Variants in CYFIP2 observed in about 807,000 individuals in gnomAD.
CYFIP2 encodes the protein cytoplasmic FMR1-interacting protein 2.
In CYFIP2, 29 loss-of-function variants were observed where a neutral mutation model predicts 158.7. That is an observed-to-expected ratio of 0.18 (90% CI 0.14 to 0.25). The LOEUF (loss-of-function observed/expected upper bound fraction) is 0.25. Among genes scored for constraint, CYFIP2 ranks in the 10% least tolerant of loss-of-function variants. The pLI is 1.00. For missense variants in CYFIP2, 852 were observed against 1,639.5 expected, an observed-to-expected ratio of 0.52 and a Z score of 8.29; for synonymous variants, 585 against 617.6, an observed-to-expected ratio of 0.95 and a Z score of 0.78.
rs746974334 is a variant in CYFIP2 at position 157,333,365 on chromosome 5, C to A, written c.2304C>A (p.Thr768=). The change falls in exon 21 of 31, where the codon ACC becomes ACA. Residue 768 remains threonine, a synonymous_variant. Transcript: ENST00000620254. ...CAATTGACTTGAACAGACTCATTAC[C>A]CAGCGCATCTCTGCCGCCATGTATA... The part of the protein sequence containing the change: ...GRSIDLNRLI[T]QRISAAMYKS... The A allele has an allele frequency of 6.8e-6, 11 of 1,613,930 alleles. No individual in the cohort carries two copies. Among genetic ancestry groups the A allele is most frequent in the Admixed American group, 1.7e-5 (1 of 60,014 alleles).
intron 23 of CYFIP2, among the ~76,000 whole-genome samples, chr5:157,349,983 T>A (rs1762961616): frequency 6.6e-6 from 1 of 152,142 alleles, no homozygotes; most frequent in South Asian, 2.1e-4. Flanking sequence ...TTGTTTGTTT[T>A]TCTTACTGAT....
chr5:157,273,667 C>T (rs1005704968), intron 1 of CYFIP2, among the ~76,000 whole-genome samples: 1 of 152,070 alleles, frequency 6.6e-6, no homozygotes, highest in Non-Finnish European at 1.5e-5. Flanking sequence ...CTTGTAGGGG[C>T]ATCATTTACA....
intron 26 of CYFIP2, among the ~76,000 whole-genome samples, chr5:157,369,898 T>TAA: frequency 6.7e-6 from 1 of 149,562 alleles, no homozygotes; most frequent in Admixed American, 6.7e-5. Context: ...TTTTTTTTTT[T>TAA]AAAGACAGAG....
At chr5:157,372,806 A>T (rs1042061506) in intron 26 of CYFIP2, among the ~76,000 whole-genome samples, 1 of 152,216 alleles carries the variant, frequency 6.6e-6, no homozygotes, top group African/African-American at 2.4e-5. Context: ...GGCCAGTGAG[A>T]GACCCTTAGA....
chr5:157,307,962 G>GT (rs1378031133), intron 9 of CYFIP2, 97 bp downstream of exon 9: 4 of 704,472 alleles, frequency 5.7e-6, no homozygotes, highest in South Asian at 1.7e-5. Flanking sequence ...AAACTGTCAG[G>GT]TTTTTTTAAT....
intron 4 of CYFIP2, chr5:157,296,403 G>A: frequency 2.3e-6 from 1 of 429,656 alleles, no homozygotes; most frequent in Non-Finnish European, 4.6e-6. Context: ...AGACTAGCCT[G>A]GGCAACATAG....
intron 19 of CYFIP2, among the ~76,000 whole-genome samples, chr5:157,329,842 T>C (rs1761303367): frequency 6.6e-6 from 1 of 152,324 alleles, no homozygotes; most frequent in South Asian, 2.1e-4. Flanking sequence ...GGTGTCTCTT[T>C]CTTGCGTAAA....
chr5:157,392,327 C>T (rs577910491), intron 30 of CYFIP2, among the ~76,000 whole-genome samples: 1 of 152,088 alleles, frequency 6.6e-6, no homozygotes, highest in African/African-American at 2.4e-5. Flanking sequence ...AAATTTTTCC[C>T]CTATATTCTC....
At chr5:157,383,471 C>A in intron 28 of CYFIP2, 112 bp downstream of exon 28, 1 of 940,294 alleles carries the variant, frequency 1.1e-6, no homozygotes, top group Non-Finnish European at 1.6e-6. Flanking sequence ...GAAGGGAAGA[C>A]AATGTCCAAT....
intron 1 of CYFIP2, among the ~76,000 whole-genome samples, chr5:157,278,632 C>A (rs999756762): frequency 2.6e-5 from 4 of 152,154 alleles, no homozygotes; most frequent in Non-Finnish European, 5.9e-5. Context: ...TTGAGAAAAT[C>A]AATGTGAAAG....
At chr5:157,313,402 G>A (rs768751721) in intron 11 of CYFIP2, among the ~76,000 whole-genome samples, 1 of 152,206 alleles carries the variant, frequency 6.6e-6, no homozygotes, top group Non-Finnish European at 1.5e-5. Context: ...TTCTTGCACA[G>A]AGGAACGCTA....
chr5:157,300,783 T>C lies in CYFIP2; in HGVS notation c.456T>C (p.Phe152=), dbSNP rs2113888314. The C allele has an allele frequency of 6.2e-7, 1 of 1,613,584 alleles. No homozygotes were observed. Among genetic ancestry groups the C allele is most frequent in the Non-Finnish European group, 8.5e-7 (1 of 1,179,630 alleles). ...RLCHAERRKD[F]VSEAYLLTLG... ...GCCATGCCGAGCGCAGGAAGGACTT[T>C]GTCTCTGAGGCCTACCTCCTGACCC... Residue 152 remains phenylalanine, a synonymous_variant, in exon 6 of 31, where the codon TTT becomes TTC. Coordinates refer to ENST00000620254, the MANE Select transcript of CYFIP2 (RefSeq NM_001037333.3).
At chr5:157,325,360 A>G (rs1760940916) in intron 16 of CYFIP2, 122 bp from the exon 17 acceptor site, 3 of 1,045,362 alleles carry the variant, frequency 2.9e-6, no homozygotes, top group Admixed American at 3.7e-5. Flanking sequence ...TCTACTAATC[A>G]ATATTAGTAC....
chr5:157,310,555 C>T (rs1759625852), intron 10 of CYFIP2, among the ~76,000 whole-genome samples: 1 of 152,240 alleles, frequency 6.6e-6, no homozygotes, highest in Non-Finnish European at 1.5e-5. Context: ...CTCATGTAGT[C>T]GCTTCATCAC....
chr5:157,389,911 G>A (rs1194746558), intron 29 of CYFIP2, among the ~76,000 whole-genome samples: 3 of 152,318 alleles, frequency 2.0e-5, no homozygotes, highest in Admixed American at 6.5e-5. Flanking sequence ...TGCCCGGGTT[G>A]GGGCTGCTGC....
intron 26 of CYFIP2, among the ~76,000 whole-genome samples, chr5:157,365,750 AGAGTT>A (rs1273181251): frequency 7.9e-6 from 1 of 126,790 alleles, no homozygotes. Context: ...AACTTCATGT[AGAGTT>A]ATCTAGTATG....
At chr5:157,324,302 T>C (rs1053510673) in intron 16 of CYFIP2, among the ~76,000 whole-genome samples, 8 of 152,228 alleles carry the variant, frequency 5.3e-5, no homozygotes, top group Non-Finnish European at 1.5e-5. Context: ...CAGGAGATAC[T>C]TGTGGCTAAT....
intron 26 of CYFIP2, among the ~76,000 whole-genome samples, chr5:157,371,112 G>T (rs1466466015): frequency 6.6e-6 from 1 of 152,172 alleles, no homozygotes; most frequent in Admixed American, 6.5e-5. Context: ...TCTGTGCAAG[G>T]GGAGAGGGTC....
chr5:157,360,419 A>T, intron 25 of CYFIP2, 47 bp downstream of exon 25: 5 of 1,494,754 alleles, frequency 3.3e-6, no homozygotes, highest in South Asian at 1.2e-5. Flanking sequence ...GTGGGGAGGG[A>T]GGCTCTGACC....
Sources: gnomAD v4.1 joint callset for allele counts (sites outside exome capture counted in the v4.1 genomes callset) on GRCh38, gnomAD v4.1.1 for gene constraint, MANE v1.5 for transcripts, NCBI Gene and HGNC (gene_info 2026-07-23, HGNC 2026-07-21) for gene names.